The following LHFPL6 variants were observed in gnomAD, a reference collection of about 807,000 sequenced individuals.
LHFPL6 encodes the protein LHFPL tetraspan subfamily member 6 protein.
Under a neutral mutation model 20.6 loss-of-function variants are expected in LHFPL6, and 9 were observed. That is an observed-to-expected ratio of 0.44 (90% CI 0.26 to 0.76). The LOEUF is 0.76. LHFPL6 is among the 30% of genes least tolerant of loss of function. The probability of loss-of-function intolerance (pLI) is 0.20; values close to 1 mark genes in which losing one functional copy is unlikely to be tolerated. For missense variants in LHFPL6, 218 were observed against 253.5 expected, an observed-to-expected ratio of 0.86 and a Z score of 0.95; for synonymous variants, 105 against 98.7, an observed-to-expected ratio of 1.06 and a Z score of -0.38.
chr13:39,576,680 C>T (rs1223979443), intron 2 of LHFPL6, among the ~76,000 whole-genome samples: 1 of 152,066 alleles, frequency 6.6e-6, no homozygotes, highest in Non-Finnish European at 1.5e-5. Flanking sequence ...ATTGCCCAGG[C>T]TGGAGTGCAG....
chr13:39,551,683 A>G (rs73466881), intron 2 of LHFPL6, among the ~76,000 whole-genome samples: 2,629 of 152,280 alleles, frequency 0.017, 75 homozygotes, highest in African/African-American at 0.06. Context: ...TCCACTAGAG[A>G]AGAATTGATT....
chr13:39,591,429 C>A (rs1872588646), intron 2 of LHFPL6, among the ~76,000 whole-genome samples: 1 of 152,258 alleles, frequency 6.6e-6, no homozygotes, highest in African/African-American at 2.4e-5. Flanking sequence ...CTAAGGTCAG[C>A]AAGCAATATA....
intron 2 of LHFPL6, among the ~76,000 whole-genome samples, chr13:39,566,914 C>T (rs952257823): frequency 7.9e-5 from 12 of 152,000 alleles, no homozygotes; most frequent in Non-Finnish European, 1.5e-4. Context: ...ATCTCTTCAG[C>T]CTTAAAACCA....
Position 39,569,148 on chromosome 13 carries a change from T to TGGATGGAC in LHFPL6, c.385+31683_385+31684insGTCCATCC, listed in dbSNP as rs71080313. 1.2e-3 allele frequency among the ~76,000 whole-genome samples: 180 copies of TGGATGGAC among 144,498 alleles called. 4 individuals carry two copies. In the South Asian group the frequency reaches 0.016, roughly 13 times the overall value. 94.8% of individuals were successfully genotyped at this position (144,498 alleles called of 152,430 possible). A position where few individuals can be genotyped will look rare whatever the true frequency, so the allele number is the denominator to read the frequency against. ...AAACACGGATGGATGGATGGATGGA[T>TGGATGGAC]GGACGGACGGATGGATGGATGGATG... On this transcript the variant is annotated intron_variant, in intron 2 of 3. Transcript: ENST00000379589.
intron 2 of LHFPL6, among the ~76,000 whole-genome samples, chr13:39,380,599 C>T (rs1870413258): frequency 6.6e-6 from 1 of 151,774 alleles, no homozygotes; most frequent in East Asian, 1.9e-4. Context: ...CAACCTCTGC[C>T]TCCCCATCTC....
chr13:39,467,732 T>G (rs1326940538), intron 2 of LHFPL6, among the ~76,000 whole-genome samples: 1 of 152,184 alleles, frequency 6.6e-6, no homozygotes, highest in Non-Finnish European at 1.5e-5. Flanking sequence ...CCCCAAGTAT[T>G]GTCTGTTTAA....
At chr13:39,455,118 A>G (rs1275407425) in intron 2 of LHFPL6, among the ~76,000 whole-genome samples, 3 of 152,162 alleles carry the variant, frequency 2.0e-5, no homozygotes, top group African/African-American at 7.2e-5. Context: ...CCCAATCTCC[A>G]GAATTGTGAG....
intron 2 of LHFPL6, among the ~76,000 whole-genome samples, chr13:39,578,482 G>C (rs547548704): frequency 6.6e-6 from 1 of 152,262 alleles, no homozygotes; most frequent in South Asian, 2.1e-4. Flanking sequence ...ACAGAAAACT[G>C]CATAGAATCT....
At chr13:39,584,323 C>T (rs1436082700) in intron 2 of LHFPL6, among the ~76,000 whole-genome samples, 1 of 151,952 alleles carries the variant, frequency 6.6e-6, no homozygotes, top group Non-Finnish European at 1.5e-5. Context: ...AGGCAGATCA[C>T]CTGAGGTGGC....
intron 2 of LHFPL6, among the ~76,000 whole-genome samples, chr13:39,564,815 T>C (rs777107006): frequency 7.9e-5 from 12 of 152,208 alleles, no homozygotes; most frequent in Non-Finnish European, 1.2e-4. Context: ...CTTCTGAAAA[T>C]TGGAGCAGTA....
chr13:39,405,935 C>A (rs1297084010), intron 2 of LHFPL6, among the ~76,000 whole-genome samples: 3 of 152,264 alleles, frequency 2.0e-5, no homozygotes. Flanking sequence ...CCTATTAAAG[C>A]AAAGGACGGA....
At chr13:39,489,858 C>A (rs1310751994) in intron 2 of LHFPL6, among the ~76,000 whole-genome samples, 4 of 152,110 alleles carry the variant, frequency 2.6e-5, no homozygotes, top group Non-Finnish European at 5.9e-5. Flanking sequence ...CCTGGCCTGG[C>A]TTTTTGAATT....
At chr13:39,522,303 A>G (rs1357793983) in intron 2 of LHFPL6, among the ~76,000 whole-genome samples, 3 of 152,172 alleles carry the variant, frequency 2.0e-5, no homozygotes, top group African/African-American at 7.2e-5. Flanking sequence ...TAAATTACCT[A>G]AGGTACCTAA....
intron 3 of LHFPL6, among the ~76,000 whole-genome samples, chr13:39,362,094 A>G (rs902830258): frequency 1.1e-4 from 16 of 152,244 alleles, no homozygotes; most frequent in African/African-American, 3.6e-4. Flanking sequence ...GAAGATATCT[A>G]TGTGACATGG....
intron 2 of LHFPL6, among the ~76,000 whole-genome samples, chr13:39,570,411 T>C (rs1398501689): frequency 6.6e-6 from 1 of 152,154 alleles, no homozygotes; most frequent in Non-Finnish European, 1.5e-5. Context: ...CCCAAAGTGC[T>C]GAGATTACAG....
chr13:39,509,081 T>C (rs1593341487), intron 2 of LHFPL6, among the ~76,000 whole-genome samples: 1 of 152,216 alleles, frequency 6.6e-6, no homozygotes. Flanking sequence ...TTAATTTGCA[T>C]TTCCTAAATG....
chr13:39,520,172 G>T (rs1035317550), intron 2 of LHFPL6, among the ~76,000 whole-genome samples: 1 of 152,152 alleles, frequency 6.6e-6, no homozygotes, highest in Non-Finnish European at 1.5e-5. Flanking sequence ...GTGACCTACA[G>T]TTAGGGCAGA....
At chr13:39,566,689 C>A (rs559453359) in intron 2 of LHFPL6, among the ~76,000 whole-genome samples, 1 of 133,400 alleles carries the variant, frequency 7.5e-6, no homozygotes, top group East Asian at 2.3e-4. Flanking sequence ...GCTGAGATTG[C>A]ACTACTGCAT....
At chr13:39,476,969 T>C (rs756577289) in intron 2 of LHFPL6, among the ~76,000 whole-genome samples, 8 of 152,214 alleles carry the variant, frequency 5.3e-5, no homozygotes, top group Non-Finnish European at 1.0e-4. Context: ...TGATCAGCTG[T>C]TGACAATATT....
Sources: allele counts gnomAD v4.1 joint callset (sites outside exome capture counted in the v4.1 genomes callset), GRCh38; gene constraint gnomAD v4.1.1; transcripts MANE v1.5; gene names NCBI Gene and HGNC (gene_info 2026-07-23, HGNC 2026-07-21).